CTNNA3: variants seen among roughly 807,000 people sequenced by gnomAD.
The protein encoded by CTNNA3 is catenin alpha 3, also known as catenin alpha-3.
A neutral mutation model predicts 95.7 loss-of-function variants in CTNNA3; 76 were observed. The observed-to-expected ratio is 0.79, with a 90% CI of 0.66 to 0.96. CTNNA3 has a LOEUF of 0.96. Among genes scored for constraint, CTNNA3 ranks in the 40% least tolerant of loss-of-function variants. CTNNA3 has a pLI of 0.00. For synonymous variants in CTNNA3, 431 were observed against 374.4 expected (o/e 1.15, Z -1.74); for missense variants, 1,191 against 1,089.8 (o/e 1.09, Z -1.31).
At chr10:66,562,649 A>G (rs1158041102) in intron 10 of CTNNA3, among the ~76,000 whole-genome samples, 1 of 152,116 alleles carries the variant, frequency 6.6e-6, no homozygotes, top group African/African-American at 2.4e-5. Flanking sequence ...AGCATAGAAT[A>G]TACTCAGTTT....
intron 9 of CTNNA3, among the ~76,000 whole-genome samples, chr10:66,675,684 C>G (rs545028831): frequency 6.6e-6 from 1 of 152,174 alleles, no homozygotes; most frequent in Non-Finnish European, 1.5e-5. Context: ...AATTTCTGTG[C>G]TTATGGTCAA....
chr10:66,421,856 A>G (rs1394061228), intron 11 of CTNNA3, among the ~76,000 whole-genome samples: 1 of 133,982 alleles, frequency 7.5e-6, no homozygotes, highest in Non-Finnish European at 1.6e-5. Context: ...AAAAAAAAGA[A>G]AAGTGTGTTT....
At chr10:67,419,454 C>T (rs1042510991) in intron 5 of CTNNA3, among the ~76,000 whole-genome samples, 5 of 151,540 alleles carry the variant, frequency 3.3e-5, no homozygotes, top group African/African-American at 9.7e-5. Flanking sequence ...GCATGGACCT[C>T]GTCACCCTGG....
intron 3 of CTNNA3, among the ~76,000 whole-genome samples, chr10:67,584,907 C>T (rs1379390892): frequency 6.6e-6 from 1 of 152,206 alleles, no homozygotes; most frequent in Non-Finnish European, 1.5e-5. Flanking sequence ...TTTGCTAAGA[C>T]CATTGGAAAA....
Position 67,477,977 on chromosome 10 carries a change from C to A in CTNNA3, c.579+43865G>T, listed in dbSNP as rs994478712. Among the ~76,000 whole-genome samples, 4 of 152,264 alleles carry A rather than the reference C, an allele frequency of 2.6e-5. No homozygotes were observed. The South Asian group carries it at 8.3e-4, about 32-fold the overall frequency. On this transcript the variant is annotated intron_variant, in intron 5 of 17. Coordinates refer to ENST00000433211, the MANE Select transcript of CTNNA3 (RefSeq NM_013266.4). ...AGGACATGAGGAAAGAGATAAACAT[C>A]TTAAAAATAAATCAGTCAGAGCTTC...
intron 3 of CTNNA3, among the ~76,000 whole-genome samples, chr10:67,542,439 A>AT (rs1840710913): frequency 6.6e-6 from 1 of 152,144 alleles, no homozygotes; most frequent in Non-Finnish European, 1.5e-5. Flanking sequence ...GATCTAGAAG[A>AT]GTGCCTACTC....
intron 12 of CTNNA3, among the ~76,000 whole-genome samples, chr10:66,314,589 A>T (rs1007536947): frequency 1.3e-5 from 2 of 152,078 alleles, no homozygotes; most frequent in Non-Finnish European, 2.9e-5. Context: ...AATTTCCTCC[A>T]ATTAGAATAT....
intron 12 of CTNNA3, among the ~76,000 whole-genome samples, chr10:66,372,835 T>C (rs1256815709): frequency 6.6e-6 from 1 of 152,080 alleles, no homozygotes; most frequent in Non-Finnish European, 1.5e-5. Context: ...AAGAACAGCA[T>C]AGGGGAAACC....
chr10:67,097,322 A>G (rs1427485546), intron 7 of CTNNA3, among the ~76,000 whole-genome samples: 3 of 151,926 alleles, frequency 2.0e-5, no homozygotes, highest in Admixed American at 1.3e-4. Context: ...TAAATCTTTT[A>G]TCATTTTCAG....
intron 5 of CTNNA3, among the ~76,000 whole-genome samples, chr10:67,394,585 C>A (rs1209111715): frequency 2.0e-5 from 3 of 152,022 alleles, no homozygotes; most frequent in African/African-American, 7.2e-5. Context: ...CAGTATGACC[C>A]AGCCAGATAT....
At chr10:67,206,125 AG>A (rs1466662832) in intron 6 of CTNNA3, among the ~76,000 whole-genome samples, 1 of 152,214 alleles carries the variant, frequency 6.6e-6, no homozygotes, top group Non-Finnish European at 1.5e-5. Context: ...CTTTGGATAA[AG>A]GCAATTAGTG....
intron 5 of CTNNA3, among the ~76,000 whole-genome samples, chr10:67,436,673 G>GAC (rs1846313101): frequency 6.6e-6 from 1 of 151,980 alleles, no homozygotes; most frequent in East Asian, 1.9e-4. Flanking sequence ...GACATGAAAA[G>GAC]ACAATTCTCA....
chr10:66,891,648 T>C (rs1046049941), intron 7 of CTNNA3, among the ~76,000 whole-genome samples: 1 of 152,152 alleles, frequency 6.6e-6, no homozygotes, highest in Non-Finnish European at 1.5e-5. Flanking sequence ...GAGAAAGTTC[T>C]CACTTTCTGA....
chr10:67,432,626 T>G (rs1419945705), intron 5 of CTNNA3, among the ~76,000 whole-genome samples: 1 of 152,076 alleles, frequency 6.6e-6, no homozygotes, highest in Non-Finnish European at 1.5e-5. Flanking sequence ...CTTTTTCATA[T>G]AAAATACATA....
At chr10:67,337,746 G>T (rs1842046349) in intron 5 of CTNNA3, among the ~76,000 whole-genome samples, 1 of 152,146 alleles carries the variant, frequency 6.6e-6, no homozygotes, top group Non-Finnish European at 1.5e-5. Context: ...CAACATTGAG[G>T]TAAGACCCTT....
At chr10:66,091,125 C>T (rs894395862) in intron 14 of CTNNA3, among the ~76,000 whole-genome samples, 5 of 151,810 alleles carry the variant, frequency 3.3e-5, no homozygotes, top group Non-Finnish European at 5.9e-5. Context: ...CAATTTTCAA[C>T]ATAAATGAAA....
chr10:66,529,193 A>G (rs1286718834), intron 10 of CTNNA3, among the ~76,000 whole-genome samples: 2 of 152,068 alleles, frequency 1.3e-5, no homozygotes, highest in Admixed American at 6.5e-5. Flanking sequence ...CAATGGTGCG[A>G]TCTTGGCTCA....
At chr10:66,356,113 G>T (rs1174440603) in intron 12 of CTNNA3, among the ~76,000 whole-genome samples, 2 of 133,180 alleles carry the variant, frequency 1.5e-5, no homozygotes, top group African/African-American at 5.8e-5. Context: ...AAATTTGTTT[G>T]CTTGTTTTGT....
chr10:65,932,716 C>A (rs537829880), intron 17 of CTNNA3, among the ~76,000 whole-genome samples: 7 of 152,292 alleles, frequency 4.6e-5, no homozygotes, highest in Non-Finnish European at 1.0e-4. Flanking sequence ...GGTCTCCCAA[C>A]ACAGTCTTCT....
Sources: gnomAD v4.1 joint callset for allele counts (sites outside exome capture counted in the v4.1 genomes callset) on GRCh38, gnomAD v4.1.1 for gene constraint, MANE v1.5 for transcripts, NCBI Gene and HGNC (gene_info 2026-07-23, HGNC 2026-07-21) for gene names.